The following MCC variants were observed in gnomAD, a reference collection of about 807,000 sequenced individuals.
The protein encoded by MCC is MCC regulator of Wnt signaling pathway.
A neutral mutation model predicts 116.2 loss-of-function variants in MCC; 90 were observed. The observed-to-expected ratio is 0.77, with a 90% CI of 0.65 to 0.92. The LOEUF (loss-of-function observed/expected upper bound fraction) is 0.92. Among genes scored for constraint, MCC ranks in the 40% least tolerant of loss-of-function variants. The pLI, the probability that MCC is intolerant of heterozygous loss-of-function variation, is 0.00. For synonymous variants in MCC, 578 were observed against 510.5 expected, an observed-to-expected ratio of 1.13 and a Z score of -1.78; for missense variants, 1,516 against 1,312.2, an observed-to-expected ratio of 1.16 and a Z score of -2.40.
chr5:113,100,511 GC>G (rs1267138773), intron 8 of MCC, among the ~76,000 whole-genome samples: 3 of 114,154 alleles, frequency 2.6e-5, no homozygotes, highest in East Asian at 2.8e-4. Context: ...TCCTTCTGTC[GC>G]CCAGGCTGGA....
At chr5:113,205,491 C>T (rs1473840702) in intron 3 of MCC, among the ~76,000 whole-genome samples, 1 of 152,214 alleles carries the variant, frequency 6.6e-6, no homozygotes. Context: ...TTCCCTTCCT[C>T]TTCTAGGCTG....
chr5:113,196,342 T>A (rs1193401365), intron 3 of MCC, among the ~76,000 whole-genome samples: 1 of 151,972 alleles, frequency 6.6e-6, no homozygotes, highest in African/African-American at 2.4e-5. Flanking sequence ...TGGAAGTGGG[T>A]GAAGTGAGCA....
At chr5:113,151,720 C>T (rs183462344) in intron 3 of MCC, among the ~76,000 whole-genome samples, 28 of 152,252 alleles carry the variant, frequency 1.8e-4, no homozygotes, top group Admixed American at 7.2e-4. Flanking sequence ...CCAAGCTACT[C>T]AGTGAGGATG....
intron 8 of MCC, among the ~76,000 whole-genome samples, chr5:113,090,578 G>C (rs1452819887): frequency 6.6e-6 from 1 of 152,208 alleles, no homozygotes; most frequent in African/African-American, 2.4e-5. Context: ...CAAGTGAAAA[G>C]AAGAGCACTG....
rs76281256 is a variant in MCC, at chr5:113,453,654, T to C, written c.170+34591A>G. Among the ~76,000 whole-genome samples the C allele has an allele frequency of 8.5e-3, 1,301 of 152,294 alleles. 22 individuals carry two copies. Among genetic ancestry groups the C allele is most frequent in the African/African-American group, 0.03 (1,247 of 41,564 alleles). ...TCCCAGCTGTTTATGTGTCTCCCCA[T>C]TAAGCTGAATGGGAAGAAGAAAGTC... On this transcript the variant is annotated intron_variant, in intron 1 of 18. Coordinates refer to ENST00000408903, the MANE Select transcript of MCC (RefSeq NM_001085377.2).
chr5:113,164,385 C>T (rs1760662936), intron 3 of MCC, among the ~76,000 whole-genome samples: 1 of 152,190 alleles, frequency 6.6e-6, no homozygotes, highest in African/African-American at 2.4e-5. Context: ...AATTAGCTCT[C>T]TTTTATACTC....
chr5:113,434,089 G>A lies in MCC; in HGVS notation c.171-48877C>T, dbSNP rs1269358083. The stretch of plus-strand genomic sequence containing the variant: ...CGGTTGACGTCGGGCTGCAGCATGT[G>A]GTAGATGAGGTCCTTGCACTCGCCT... On this transcript the variant is annotated intron_variant, in intron 1 of 18. Coordinates refer to ENST00000408903, the MANE Select transcript of MCC (RefSeq NM_001085377.2). The surrounding 1 kb of genome is among the most constrained non-coding windows in gnomAD (Gnocchi z 4.2). 2 of 1,614,200 alleles carry A rather than the reference G, an allele frequency of 1.2e-6. No individual in the cohort carries two copies. The highest frequency in any genetic ancestry group is 1.7e-6 in the Non-Finnish European group (2 of 1,180,002).
At position 113,472,155 on chromosome 5, in the gene MCC, G is replaced by A. The variant is rs187842142; in HGVS notation, c.170+16090C>T. ...CTCTGCTTTGGCTCACGCACGGTGC[G>A]CTGCACTCACTGTCCTGCACCTACT... On this transcript the variant is annotated intron_variant, in intron 1 of 18. Transcript: ENST00000408903. 5.9e-4 allele frequency among the ~76,000 whole-genome samples: 90 copies of A among 152,240 alleles called. 2 individuals are homozygous for A. The highest frequency in any genetic ancestry group is 4.6e-3 in the Admixed American group (71 of 15,306).
chr5:113,200,128 C>T (rs955128833), intron 3 of MCC, among the ~76,000 whole-genome samples: 12 of 151,844 alleles, frequency 7.9e-5, no homozygotes, highest in Middle Eastern at 3.2e-3. Context: ...GAGGAAGACA[C>T]GTAAAATTTA....
intron 3 of MCC, among the ~76,000 whole-genome samples, chr5:113,276,738 C>T (rs1203839362): frequency 6.6e-6 from 1 of 152,090 alleles, no homozygotes; most frequent in Non-Finnish European, 1.5e-5. Context: ...GTGATCCTCC[C>T]ACTTCAGCTT....
rs553008733 is a variant in MCC at position 113,291,965 on chromosome 5, C to T, written c.627+48554G>A. Among the ~76,000 whole-genome samples, 5 of 152,314 alleles carry T rather than the reference C, an allele frequency of 3.3e-5. No individual in the cohort carries two copies. The East Asian group carries it at 7.7e-4, about 23-fold the overall frequency. ...TCTCTTGCCTTACAAATTATCTTTA[C>T]ACATATTCTAATTTAAAATATGTAC... On this transcript the variant is annotated intron_variant, in intron 3 of 18. Coordinates refer to ENST00000408903, the MANE Select transcript of MCC (RefSeq NM_001085377.2).
intron 2 of MCC, among the ~76,000 whole-genome samples, chr5:113,343,238 A>C (rs1474355765): frequency 6.6e-6 from 1 of 152,166 alleles, no homozygotes; most frequent in Non-Finnish European, 1.5e-5. Context: ...GATCCTCTCC[A>C]GTCGGTCTAA....
chr5:113,183,524 C>T (rs1029270847), intron 3 of MCC, among the ~76,000 whole-genome samples: 2 of 152,016 alleles, frequency 1.3e-5, no homozygotes, highest in Admixed American at 6.6e-5. Flanking sequence ...CCCAAACATC[C>T]CCCTCCCAAG....
chr5:113,127,818 T>G (rs529466822), intron 5 of MCC, among the ~76,000 whole-genome samples: 24 of 152,340 alleles, frequency 1.6e-4, no homozygotes, highest in Admixed American at 1.4e-3. Flanking sequence ...TGATAGTTTC[T>G]TTTGCTATGC....
chr5:113,453,103 T>G (rs1771446206), intron 1 of MCC, among the ~76,000 whole-genome samples: 1 of 152,180 alleles, frequency 6.6e-6, no homozygotes, highest in South Asian at 2.1e-4. Flanking sequence ...AGGAGGTTGT[T>G]TATGTGACTG....
chr5:113,217,691 C>T (rs548272077), intron 3 of MCC, among the ~76,000 whole-genome samples: 1 of 150,446 alleles, frequency 6.6e-6, no homozygotes, highest in African/African-American at 2.5e-5. Context: ...CCACCTGTGC[C>T]CCTAATCTGA....
chr5:113,227,135 T>G (rs1763770788), intron 3 of MCC, among the ~76,000 whole-genome samples: 3 of 152,228 alleles, frequency 2.0e-5, no homozygotes, highest in Admixed American at 1.3e-4. Context: ...AGTGACTTTG[T>G]TTAGCATTAG....
chr5:113,468,158 T>C (rs192770751), intron 1 of MCC, among the ~76,000 whole-genome samples: 109,768 of 151,984 alleles, frequency 0.72, 40,091 homozygotes, highest in East Asian at 0.88. Flanking sequence ...CTTTTCCTAA[T>C]TGAATACACT....
At chr5:113,470,989 G>C (rs2150431056) in intron 1 of MCC, among the ~76,000 whole-genome samples, 2 of 152,252 alleles carry the variant, frequency 1.3e-5, no homozygotes, top group East Asian at 3.9e-4. Context: ...TAAGGCTTCT[G>C]CCTTCGTCAC....
Sources: gnomAD v4.1 joint callset for allele counts (sites outside exome capture counted in the v4.1 genomes callset) on GRCh38, gnomAD v4.1.1 for gene constraint, Gnocchi (gnomAD v3.1) non-coding constraint, MANE v1.5 for transcripts, NCBI Gene and HGNC (gene_info 2026-07-23, HGNC 2026-07-21) for gene names.